GALNT17: variants seen among roughly 807,000 people sequenced by gnomAD.
The protein encoded by GALNT17 is polypeptide N-acetylgalactosaminyltransferase 17, also known as UDP-GalNAc:polypeptide N-acetylgalactosaminyltransferase-like 3.
GALNT17 carries 29 observed loss-of-function variants against 63.7 expected under a neutral mutation model. The observed-to-expected ratio is 0.46, with a 90% CI of 0.34 to 0.62. GALNT17 has a LOEUF of 0.62. Ranked by LOEUF, GALNT17 falls within the 20% of genes least tolerant of loss-of-function variation. The pLI, the probability that GALNT17 is intolerant of heterozygous loss-of-function variation, is 0.01. For missense variants in GALNT17, 603 were observed against 799.6 expected, an observed-to-expected ratio of 0.75 and a Z score of 2.97; for synonymous variants, 305 against 318.3, an observed-to-expected ratio of 0.96 and a Z score of 0.45.
chr7:71,203,152 G>A (rs1015223759), intron 1 of GALNT17, among the ~76,000 whole-genome samples: 1 of 152,152 alleles, frequency 6.6e-6, no homozygotes, highest in African/African-American at 2.4e-5. Flanking sequence ...CAGTTCCAAT[G>A]GATATGTACC....
chr7:71,677,113 A>T, intron 8 of GALNT17, 98 bp from the exon 9 acceptor site: 1 of 1,212,626 alleles, frequency 8.2e-7, no homozygotes. Flanking sequence ...TTGTCTTCCC[A>T]TCATGAAGTT....
intron 5 of GALNT17, among the ~76,000 whole-genome samples, chr7:71,528,161 C>G (rs879754450): frequency 6.6e-6 from 1 of 152,156 alleles, no homozygotes; most frequent in Non-Finnish European, 1.5e-5. Context: ...TTGTTACTAT[C>G]TAAAAAGCAG....
At chr7:71,632,533 A>C (rs1790466968) in intron 6 of GALNT17, among the ~76,000 whole-genome samples, 1 of 152,190 alleles carries the variant, frequency 6.6e-6, no homozygotes, top group Non-Finnish European at 1.5e-5. Context: ...CAAAAGCACA[A>C]GCACTTTCAG....
At chr7:71,289,717 TA>T (rs1193728025) in intron 1 of GALNT17, among the ~76,000 whole-genome samples, 3 of 151,720 alleles carry the variant, frequency 2.0e-5, no homozygotes, top group Non-Finnish European at 2.9e-5. Context: ...CCGTCTCTAC[TA>T]AAAAAACAAA....
chr7:71,319,932 C>T (rs1164269759), intron 1 of GALNT17, among the ~76,000 whole-genome samples: 1 of 152,146 alleles, frequency 6.6e-6, no homozygotes, highest in African/African-American at 2.4e-5. Flanking sequence ...AGCATGTTGT[C>T]ATGGTGATGT....
chr7:71,703,111 C>T (rs1791675026), intron 9 of GALNT17, among the ~76,000 whole-genome samples: 1 of 152,172 alleles, frequency 6.6e-6, no homozygotes, highest in Non-Finnish European at 1.5e-5. Context: ...GAAAACTCTC[C>T]AAGAAAGTGA....
intron 1 of GALNT17, among the ~76,000 whole-genome samples, chr7:71,330,745 G>C (rs908697202): frequency 6.6e-5 from 10 of 152,138 alleles, no homozygotes; most frequent in Non-Finnish European, 1.5e-4. Context: ...TTAAGTCTCA[G>C]TCTCTTGAAG....
intron 6 of GALNT17, among the ~76,000 whole-genome samples, chr7:71,603,572 G>A (rs889683540): frequency 1.1e-4 from 17 of 152,156 alleles, no homozygotes; most frequent in Non-Finnish European, 2.5e-4. Flanking sequence ...ACTGTGCTAC[G>A]TGCATATGCT....
intron 2 of GALNT17, among the ~76,000 whole-genome samples, chr7:71,341,335 C>T (rs1406706348): frequency 6.6e-6 from 1 of 152,086 alleles, no homozygotes; most frequent in East Asian, 1.9e-4. Context: ...TCAACATCCA[C>T]TAATGAGAAA....
At chr7:71,658,209 G>T (rs1314806039) in intron 6 of GALNT17, among the ~76,000 whole-genome samples, 1 of 152,172 alleles carries the variant, frequency 6.6e-6, no homozygotes, top group African/African-American at 2.4e-5. Context: ...GCTGGGCCTA[G>T]TGAAAGTGTT....
chr7:71,245,875 C>A (rs915246326), intron 1 of GALNT17, among the ~76,000 whole-genome samples: 1 of 123,446 alleles, frequency 8.1e-6, no homozygotes, highest in Non-Finnish European at 1.8e-5. Flanking sequence ...GCAAAGGTAT[C>A]TTTGCACTCC....
At position 71,499,953 on chromosome 7, in the gene GALNT17, T is replaced by C. The variant is rs137996525; in HGVS notation, c.963-71332T>C. ...GGTTTTATAAGGAGCTTTTCCTCCT[T>C]TTGCTTAGCACTTCTCCTGCTATCC... On this transcript the variant is annotated intron_variant, in intron 5 of 10. Transcript: ENST00000333538. Among the ~76,000 whole-genome samples the C allele has an allele frequency of 2.1e-4, 32 of 152,310 alleles. No individual in the cohort carries two copies. The East Asian group carries it at 5.6e-3, about 27-fold the overall frequency.
At chr7:71,222,218 T>A (rs1326934467) in intron 1 of GALNT17, among the ~76,000 whole-genome samples, 1 of 152,040 alleles carries the variant, frequency 6.6e-6, no homozygotes, top group Non-Finnish European at 1.5e-5. Flanking sequence ...TTATTTAGAT[T>A]TTACCAGATT....
At chr7:71,405,489 G>T (rs1322908719) in intron 3 of GALNT17, among the ~76,000 whole-genome samples, 1 of 152,076 alleles carries the variant, frequency 6.6e-6, no homozygotes, top group African/African-American at 2.4e-5. Flanking sequence ...TAAAATATTA[G>T]CCAGGCATAG....
At chr7:71,547,326 G>A (rs1789002825) in intron 5 of GALNT17, among the ~76,000 whole-genome samples, 1 of 151,960 alleles carries the variant, frequency 6.6e-6, no homozygotes, top group African/African-American at 2.4e-5. Context: ...CACCACACCT[G>A]GCTAATTTTT....
intron 1 of GALNT17, among the ~76,000 whole-genome samples, chr7:71,175,169 T>C: frequency 6.6e-6 from 1 of 152,116 alleles, no homozygotes; most frequent in East Asian, 1.9e-4. Flanking sequence ...TCTTCCTTTC[T>C]TCCTTTCCAT....
intron 5 of GALNT17, among the ~76,000 whole-genome samples, chr7:71,536,728 G>C (rs932838505): frequency 1.3e-5 from 2 of 152,132 alleles, no homozygotes; most frequent in African/African-American, 4.8e-5. Context: ...ATTTGAGTGG[G>C]GACACAGAGC....
intron 2 of GALNT17, among the ~76,000 whole-genome samples, chr7:71,355,739 G>T (rs560693070): frequency 1.3e-5 from 2 of 152,134 alleles, no homozygotes; most frequent in Admixed American, 6.6e-5. Context: ...CTCCATGTTG[G>T]CTAGGCTGGT....
chr7:71,269,233 G>A (rs1790543410), intron 1 of GALNT17, among the ~76,000 whole-genome samples: 1 of 152,198 alleles, frequency 6.6e-6, no homozygotes, highest in Admixed American at 6.5e-5. Context: ...GGGAAGCCAA[G>A]GTGGTAGGAT....
Sources: allele counts gnomAD v4.1 joint callset (sites outside exome capture counted in the v4.1 genomes callset), GRCh38; gene constraint gnomAD v4.1.1; transcripts MANE v1.5; gene names NCBI Gene and HGNC (gene_info 2026-07-23, HGNC 2026-07-21).